Variants in DOCK4 observed in about 807,000 individuals in gnomAD.
DOCK4 encodes dedicator of cytokinesis 4.
A neutral mutation model predicts 268.1 loss-of-function variants in DOCK4; 97 were observed. That is an observed-to-expected ratio of 0.36 (90% CI 0.31 to 0.43). The LOEUF (loss-of-function observed/expected upper bound fraction) is 0.43. Among genes scored for constraint, DOCK4 ranks in the 20% least tolerant of loss-of-function variants. DOCK4 has a pLI of 1.00. For missense variants in DOCK4, 2,145 were observed against 2,455.7 expected (o/e 0.87, Z 2.67); for synonymous variants, 954 against 887.2 (o/e 1.08, Z -1.34).
intron 52 of DOCK4, 63 bp downstream of exon 52, chr7:111,732,163 T>A (rs1050471806): frequency 4.6e-5 from 70 of 1,510,426 alleles, no homozygotes; most frequent in Non-Finnish European, 6.0e-5. Flanking sequence ...ATATCTGGGA[T>A]GAGTCTTAGA....
chr7:111,912,732 T>C (rs1792219276), intron 13 of DOCK4, among the ~76,000 whole-genome samples: 1 of 151,970 alleles, frequency 6.6e-6, no homozygotes, highest in Non-Finnish European at 1.5e-5. Flanking sequence ...AAGAAATAGA[T>C]AGGTATAGAC....
At chr7:111,973,856 G>A (rs998330704) in intron 8 of DOCK4, among the ~76,000 whole-genome samples, 1 of 152,048 alleles carries the variant, frequency 6.6e-6, no homozygotes, top group African/African-American at 2.4e-5. Flanking sequence ...TTCTATATAT[G>A]TTGGAAATTT....
intron 31 of DOCK4, among the ~76,000 whole-genome samples, 180 bp downstream of exon 31, chr7:111,790,277 G>A (rs1311921875): frequency 6.6e-6 from 1 of 152,190 alleles, no homozygotes; most frequent in African/African-American, 2.4e-5. Context: ...GAAGGCTCAG[G>A]ACAACACAGG....
At chr7:111,892,208 T>G (rs779265865) in intron 16 of DOCK4, among the ~76,000 whole-genome samples, 5 of 152,198 alleles carry the variant, frequency 3.3e-5, no homozygotes, top group Admixed American at 6.5e-5. Flanking sequence ...ATTGATTGAT[T>G]GATTGATTTG....
intron 12 of DOCK4, among the ~76,000 whole-genome samples, chr7:111,924,154 T>C (rs1483810027): frequency 1.3e-5 from 2 of 152,198 alleles, no homozygotes; most frequent in Non-Finnish European, 2.9e-5. Context: ...TTCCTGATAG[T>C]TTATTACCTA....
chr7:111,867,264 T>C (rs897785818), intron 22 of DOCK4, among the ~76,000 whole-genome samples: 17 of 152,224 alleles, frequency 1.1e-4, no homozygotes, highest in African/African-American at 3.9e-4. Context: ...CAGTTCTCAA[T>C]GATTACAAGT....
intron 35 of DOCK4, among the ~76,000 whole-genome samples, chr7:111,782,580 C>A (rs906560131): frequency 6.6e-6 from 1 of 152,218 alleles, no homozygotes; most frequent in African/African-American, 2.4e-5. Context: ...TGAAGTAGTG[C>A]AACCGGGGAA....
At chr7:111,788,565 T>C in intron 32 of DOCK4, 97 bp downstream of exon 32, 1 of 967,252 alleles carries the variant, frequency 1.0e-6, no homozygotes, top group Non-Finnish European at 1.6e-6. Context: ...AGACCTAAGC[T>C]GTCTTTGCAG....
chr7:111,760,338 A>G lies in DOCK4; in HGVS notation c.4021-16T>C, dbSNP rs774913576. 1 of 1,609,992 alleles carries G rather than the reference A, an allele frequency of 6.2e-7. No homozygotes were observed. Among genetic ancestry groups the G allele is most frequent in the Non-Finnish European group, 8.5e-7 (1 of 1,177,642 alleles). On this transcript the variant is annotated splice_polypyrimidine_tract_variant and intron_variant, in intron 39 of 52. Transcript: ENST00000428084. ...ACTCCTTATTCTGGAGATGAAAGCAAAAAAGAAATTAGGGCTATATAACTG... is the reference window on the plus strand; with the variant it reads ...ACTCCTTATTCTGGAGATGAAAGCAGAAAAGAAATTAGGGCTATATAACTG...
At chr7:111,981,361 T>C (rs1201130433) in intron 7 of DOCK4, among the ~76,000 whole-genome samples, 1 of 152,140 alleles carries the variant, frequency 6.6e-6, no homozygotes, top group Middle Eastern at 3.2e-3. Flanking sequence ...ATCTTATTAT[T>C]GCTAGGCCAG....
At chr7:111,807,271 G>A (rs922772662) in intron 30 of DOCK4, among the ~76,000 whole-genome samples, 10 of 151,968 alleles carry the variant, frequency 6.6e-5, no homozygotes, top group African/African-American at 1.5e-4. Context: ...AATTAATGTC[G>A]AATGCAATAT....
chr7:112,109,154 C>T (rs1811401124), intron 1 of DOCK4, among the ~76,000 whole-genome samples: 1 of 152,188 alleles, frequency 6.6e-6, no homozygotes, highest in Non-Finnish European at 1.5e-5. Context: ...AGCCAGTTGG[C>T]ATGGCCAGGG....
rs1795478665 is a variant in DOCK4, at chr7:111,944,706, T to C, written c.844+105A>G. On this transcript the variant is annotated intron_variant, in intron 10 of 52. Coordinates refer to ENST00000428084, the MANE Select transcript of DOCK4 (RefSeq NM_001363540.2). ...TTCTTGGATTCAAATCTGGCTTTGA[T>C]ATCTTTCTGATTCAGACAGCAATAA... 3 of 1,138,872 alleles carry C rather than the reference T, an allele frequency of 2.6e-6. No individual in the cohort carries two copies. In the Admixed American group the frequency reaches 6.2e-5, roughly 24 times the overall value. 70.5% of individuals were successfully genotyped at this position (1,138,872 alleles called of 1,614,324 possible).
At chr7:111,835,153 T>C (rs1371983922) in intron 25 of DOCK4, among the ~76,000 whole-genome samples, 1 of 152,172 alleles carries the variant, frequency 6.6e-6, no homozygotes, top group African/African-American at 2.4e-5. Flanking sequence ...GTCACTCAGC[T>C]AGAAAGTAGC....
chr7:111,773,484 T>A (rs1798249701), intron 36 of DOCK4, among the ~76,000 whole-genome samples: 1 of 152,234 alleles, frequency 6.6e-6, no homozygotes, highest in African/African-American at 2.4e-5. Flanking sequence ...ATCTGTTATA[T>A]ATCTGGAGTA....
At chr7:112,075,373 C>A (rs781626977) in intron 1 of DOCK4, among the ~76,000 whole-genome samples, 43 of 152,146 alleles carry the variant, frequency 2.8e-4, no homozygotes, top group Admixed American at 5.9e-4. Flanking sequence ...GCCTCACATG[C>A]AATTCCCTGC....
At chr7:111,864,888 T>C (rs919977916) in intron 22 of DOCK4, among the ~76,000 whole-genome samples, 11 of 152,192 alleles carry the variant, frequency 7.2e-5, no homozygotes, top group Non-Finnish European at 1.3e-4. Context: ...AATTTATCCA[T>C]TATTTCTTTA....
intron 1 of DOCK4, among the ~76,000 whole-genome samples, chr7:112,128,793 C>CCT (rs775739346): frequency 1.6e-4 from 25 of 151,934 alleles, no homozygotes; most frequent in Non-Finnish European, 2.6e-4. Context: ...GCCGCAGGGT[C>CCT]CTCTGCCTGG....
intron 13 of DOCK4, among the ~76,000 whole-genome samples, chr7:111,904,635 G>T (rs111908903): frequency 6.6e-6 from 1 of 152,034 alleles, no homozygotes; most frequent in Non-Finnish European, 1.5e-5. Context: ...AAGAGATTCT[G>T]AATTCAAATA....
Sources: gnomAD v4.1 joint callset for allele counts (sites outside exome capture counted in the v4.1 genomes callset) on GRCh38, gnomAD v4.1.1 for gene constraint, MANE v1.5 for transcripts, NCBI Gene and HGNC (gene_info 2026-07-23, HGNC 2026-07-21) for gene names.